Variants in GNAQ observed in about 807,000 individuals in gnomAD.
GNAQ encodes guanine nucleotide-binding protein G(q) subunit alpha.
GNAQ carries 8 observed loss-of-function variants against 43.9 expected under a neutral mutation model. The ratio of observed to expected loss-of-function variants is 0.18; its 90% CI spans 0.11 to 0.33. The LOEUF is 0.33. Ranked by LOEUF, GNAQ falls within the 10% of genes least tolerant of loss-of-function variation. The pLI is 1.00. For missense variants in GNAQ, 158 were observed against 450.8 expected (o/e 0.35, Z 5.88); for synonymous variants, 155 against 170.7 (o/e 0.91, Z 0.71).
chr9:77,972,142 A>G (rs1206999033), intron 1 of GNAQ, among the ~76,000 whole-genome samples: 1 of 152,182 alleles, frequency 6.6e-6, no homozygotes, highest in Non-Finnish European at 1.5e-5. Flanking sequence ...TTCTAGCCAA[A>G]ATAATAACAA....
chr9:77,908,533 C>G (rs962759107), intron 2 of GNAQ, among the ~76,000 whole-genome samples: 1 of 152,206 alleles, frequency 6.6e-6, no homozygotes, highest in Non-Finnish European at 1.5e-5. Flanking sequence ...TAGACACTGA[C>G]TATGTTGATG....
chr9:77,881,527 T>C (rs1287146410), intron 2 of GNAQ, among the ~76,000 whole-genome samples: 3 of 152,128 alleles, frequency 2.0e-5, no homozygotes, highest in Non-Finnish European at 4.4e-5. Context: ...TACAGGCACA[T>C]GCCACCATGC....
chr9:77,888,247 C>T (rs984604022), intron 2 of GNAQ, among the ~76,000 whole-genome samples: 6 of 152,210 alleles, frequency 3.9e-5, no homozygotes, highest in South Asian at 4.2e-4. Context: ...TTGGAATCCA[C>T]GATAACTTTT....
chr9:77,915,220 T>A (rs1479692122), intron 2 of GNAQ, among the ~76,000 whole-genome samples: 1 of 152,204 alleles, frequency 6.6e-6, no homozygotes, highest in Non-Finnish European at 1.5e-5. Flanking sequence ...TAAGGAGATT[T>A]CTGTACCTCT....
Position 77,855,334 on chromosome 9 carries a change from A to AT in GNAQ, c.322-39565dup, listed in dbSNP as rs1360824673. On this transcript the variant is annotated intron_variant, in intron 2 of 6. Coordinates refer to ENST00000286548, the MANE Select transcript of GNAQ (RefSeq NM_002072.5). ...CCTAGTTAAAGGCCAACGAGCAGTT[A>AT]TTTTTTTTAAAGTCCCTTGTAAAAA... Among the ~76,000 whole-genome samples, 4 of 152,012 alleles carry AT rather than the reference A, an allele frequency of 2.6e-5. No individual in the cohort carries two copies. The East Asian group carries it at 7.7e-4, about 29-fold the overall frequency.
At chr9:77,821,932 G>C (rs1406801206) in intron 2 of GNAQ, among the ~76,000 whole-genome samples, 1 of 151,964 alleles carries the variant, frequency 6.6e-6, no homozygotes, top group Non-Finnish European at 1.5e-5. Flanking sequence ...GAATATCTGA[G>C]GAACATTAAT....
chr9:77,863,216 A>AAGGAAGGAAGGAAGGAAGGAAGGG (rs1281288103), intron 2 of GNAQ, among the ~76,000 whole-genome samples: 28 of 149,058 alleles, frequency 1.9e-4, no homozygotes, highest in Middle Eastern at 3.4e-3. Context: ...GGAAGGAAGG[A>AAGGAAGGAAGGAAGGAAGGAAGGG]AGGGAGGAAG....
intron 1 of GNAQ, among the ~76,000 whole-genome samples, chr9:78,027,538 ACTGGC>A: frequency 6.6e-6 from 1 of 152,130 alleles, no homozygotes; most frequent in East Asian, 1.9e-4. Context: ...TCCATTTAAG[ACTGGC>A]CTGTCGCGAC....
intron 5 of GNAQ, among the ~76,000 whole-genome samples, chr9:77,762,213 C>G (rs1826047070): frequency 7.2e-6 from 1 of 139,842 alleles, no homozygotes; most frequent in Non-Finnish European, 1.6e-5. Context: ...TGAGGAGCCC[C>G]TCTGCCCGGC....
chr9:77,949,091 T>A lies in GNAQ; in HGVS notation c.137-26746A>T, dbSNP rs1822943389. Among the ~76,000 whole-genome samples the A allele has an allele frequency of 1.3e-5, 2 of 152,110 alleles. 1 individual carries two copies. The highest frequency in any genetic ancestry group is 4.1e-4 in the South Asian group (2 of 4,828). On this transcript the variant is annotated intron_variant, in intron 1 of 6. Transcript: ENST00000286548. ...CCTTCTTAGGATAACAGACAGAAAATTCATATTATTAAAATACAAAATGAG... is the reference window on the plus strand; with the variant it reads ...CCTTCTTAGGATAACAGACAGAAAAATCATATTATTAAAATACAAAATGAG...
intron 1 of GNAQ, among the ~76,000 whole-genome samples, chr9:77,991,661 C>T (rs1192005658): frequency 2.0e-5 from 3 of 151,978 alleles, no homozygotes; most frequent in Non-Finnish European, 4.4e-5. Context: ...TTTTGGTGCA[C>T]CCATCACCCA....
At chr9:77,947,986 G>A (rs933847139) in intron 1 of GNAQ, among the ~76,000 whole-genome samples, 4 of 152,116 alleles carry the variant, frequency 2.6e-5, no homozygotes, top group African/African-American at 9.7e-5. Context: ...TACTTCATAG[G>A]GTGGTTCTTG....
At position 77,937,543 on chromosome 9, in the gene GNAQ, G is replaced by A. The variant is rs1409879511; in HGVS notation, c.137-15198C>T. Among the ~76,000 whole-genome samples, 6 of 152,244 alleles carry A rather than the reference G, an allele frequency of 3.9e-5. No individual in the cohort carries two copies. In the South Asian group the frequency reaches 1.0e-3, roughly 26 times the overall value. On this transcript the variant is annotated intron_variant, in intron 1 of 6. Coordinates refer to ENST00000286548, the MANE Select transcript of GNAQ (RefSeq NM_002072.5). ...TCCATTTTAGAACGTTTCCATTTGGGTAATGAGACTTTTAAGGAGTTGTCA... is the reference window on the plus strand; with the variant it reads ...TCCATTTTAGAACGTTTCCATTTGGATAATGAGACTTTTAAGGAGTTGTCA...
chr9:77,949,013 C>T (rs1180230843), intron 1 of GNAQ, among the ~76,000 whole-genome samples: 1 of 152,184 alleles, frequency 6.6e-6, no homozygotes, highest in Non-Finnish European at 1.5e-5. Context: ...GGATCTCACA[C>T]ATGCCTCGAG....
chr9:78,015,602 C>T (rs1403743452), intron 1 of GNAQ, among the ~76,000 whole-genome samples: 3 of 151,092 alleles, frequency 2.0e-5, no homozygotes, highest in African/African-American at 7.3e-5. Context: ...TTTTATGTAC[C>T]CATAAAACAA....
rs189362254 is a variant in GNAQ, at chr9:77,872,590, G to A, written c.321+49571C>T. 2.2e-4 allele frequency among the ~76,000 whole-genome samples: 33 copies of A among 152,230 alleles called. No individual in the cohort carries two copies. The East Asian group carries it at 6.2e-3, about 29-fold the overall frequency. On this transcript the variant is annotated intron_variant, in intron 2 of 6. Transcript: ENST00000286548. Reference sequence around the variant, plus strand: ...TTCATAACAGGGTGTAGAATACAAAGCAGATTTTAACACATCTCAGCACAT... The same window carrying A: ...TTCATAACAGGGTGTAGAATACAAAACAGATTTTAACACATCTCAGCACAT...
rs1163049393 is a variant in GNAQ, at chr9:77,719,205, G to C, written c.*2118C>G. 2 of 229,738 alleles carry C rather than the reference G, an allele frequency of 8.7e-6. No homozygotes were observed. The highest frequency in any genetic ancestry group is 1.7e-5 in the Non-Finnish European group (2 of 116,580). 14.2% of individuals were successfully genotyped at this position (229,738 alleles called of 1,614,324 possible). ...ATTTACATTCTCCTCTCTTAAAAAA[G>C]TAAATAAAATAACATTATTCAAAAC... On this transcript the variant is annotated 3_prime_UTR_variant, in exon 7 of 7. Transcript: ENST00000286548.
At position 77,853,788 on chromosome 9, in the gene GNAQ, A is replaced by C. The variant is rs1479499719; in HGVS notation, c.322-38018T>G. The stretch of plus-strand genomic sequence containing the variant: ...GAAATTACTACCAAAAAAAAAAAAA[A>C]AAAAAAAAAAAACCCACAGGCACTA... On this transcript the variant is annotated intron_variant, in intron 2 of 6. Coordinates refer to ENST00000286548, the MANE Select transcript of GNAQ (RefSeq NM_002072.5). Among the ~76,000 whole-genome samples, 86 of 150,794 alleles carry C rather than the reference A, an allele frequency of 5.7e-4. 1 individual carries two copies. Among genetic ancestry groups the C allele is most frequent in the African/African-American group, 2.1e-3 (86 of 41,354 alleles).
At chr9:77,736,922 C>A (rs1224832546) in intron 5 of GNAQ, among the ~76,000 whole-genome samples, 1 of 152,220 alleles carries the variant, frequency 6.6e-6, no homozygotes, top group African/African-American at 2.4e-5. Context: ...TACTGCACAG[C>A]ACACTGATCT....
Sources: allele counts gnomAD v4.1 joint callset (sites outside exome capture counted in the v4.1 genomes callset), GRCh38; gene constraint gnomAD v4.1.1; transcripts MANE v1.5; gene names NCBI Gene and HGNC (gene_info 2026-07-23, HGNC 2026-07-21).